MYRIP: variants seen among roughly 807,000 people sequenced by gnomAD.
MYRIP encodes myosin VIIA and Rab interacting protein.
Under a neutral mutation model 98.0 loss-of-function variants are expected in MYRIP, and 49 were observed. The observed-to-expected ratio is 0.50, with a 90% CI of 0.40 to 0.63. The LOEUF is 0.63. Ranked by LOEUF, MYRIP falls within the 30% of genes least tolerant of loss-of-function variation. The pLI is 0.00. For synonymous variants in MYRIP, 404 were observed against 409.5 expected (o/e 0.99, Z 0.16); for missense variants, 1,004 against 1,058.2 (o/e 0.95, Z 0.71).
chr3:39,917,726 C>T (rs1944197089), intron 2 of MYRIP, among the ~76,000 whole-genome samples: 1 of 87,100 alleles, frequency 1.1e-5, no homozygotes, highest in Admixed American at 1.1e-4. Context: ...AGATGATGCC[C>T]AAGACCCCAA....
chr3:39,917,627 G>A (rs547819127), intron 2 of MYRIP, among the ~76,000 whole-genome samples: 52 of 151,808 alleles, frequency 3.4e-4, no homozygotes, highest in African/African-American at 1.1e-3. Context: ...GACTAAGAGA[G>A]ATCAGAGACT....
chr3:40,118,543 T>A (rs1949328987), intron 3 of MYRIP, among the ~76,000 whole-genome samples: 1 of 151,762 alleles, frequency 6.6e-6, no homozygotes. Context: ...AACTTTTTTT[T>A]TTCCCTGGGT....
chr3:40,168,851 G>A (rs570731989), intron 7 of MYRIP, among the ~76,000 whole-genome samples: 4 of 152,202 alleles, frequency 2.6e-5, no homozygotes, highest in South Asian at 4.1e-4. Context: ...TCCCTATACT[G>A]GGAGGGTCTG....
chr3:40,080,661 T>G (rs991289233), intron 3 of MYRIP, among the ~76,000 whole-genome samples: 4 of 151,952 alleles, frequency 2.6e-5, no homozygotes, highest in African/African-American at 9.7e-5. Flanking sequence ...ATCTCTAGTA[T>G]CATACCTGTT....
intron 1 of MYRIP, among the ~76,000 whole-genome samples, chr3:39,853,767 C>T (rs1344802960): frequency 1.3e-5 from 2 of 151,638 alleles, no homozygotes; most frequent in African/African-American, 4.8e-5. Flanking sequence ...ACTTAGGATC[C>T]GTCTATTTAT....
At chr3:39,888,311 G>A (rs1021062196) in intron 1 of MYRIP, among the ~76,000 whole-genome samples, 11 of 151,810 alleles carry the variant, frequency 7.2e-5, no homozygotes, top group Non-Finnish European at 1.0e-4. Context: ...AAACAGCATG[G>A]TACTGGTACC....
intron 2 of MYRIP, among the ~76,000 whole-genome samples, chr3:39,966,438 G>T (rs952411762): frequency 1.3e-5 from 2 of 152,184 alleles, no homozygotes; most frequent in Non-Finnish European, 2.9e-5. Context: ...TAAAGGCACA[G>T]ATTATATATC....
intron 3 of MYRIP, among the ~76,000 whole-genome samples, chr3:40,107,183 C>A (rs1404156179): frequency 6.6e-6 from 1 of 152,190 alleles, no homozygotes; most frequent in Admixed American, 6.5e-5. Context: ...TTATTGAATA[C>A]CTGCTGGGGA....
intron 2 of MYRIP, among the ~76,000 whole-genome samples, chr3:39,970,896 C>G (rs1945564306): frequency 6.6e-6 from 1 of 151,984 alleles, no homozygotes. Flanking sequence ...TTAGTTGAAA[C>G]AGACACTTGT....
chr3:39,980,850 C>T (rs963128269), intron 2 of MYRIP, among the ~76,000 whole-genome samples: 1 of 152,032 alleles, frequency 6.6e-6, no homozygotes, highest in African/African-American at 2.4e-5. Context: ...ATCATAAAGA[C>T]AGAAAGTAGG....
intron 3 of MYRIP, among the ~76,000 whole-genome samples, chr3:40,077,197 G>T (rs1376592517): frequency 1.3e-5 from 2 of 152,172 alleles, no homozygotes; most frequent in African/African-American, 4.8e-5. Context: ...TCATAAAACA[G>T]CGTGGACCCA....
intron 11 of MYRIP, among the ~76,000 whole-genome samples, chr3:40,218,599 ATATATATATATTT>A (rs1385408336): frequency 0.12 from 161 of 1,384 alleles, 4 homozygotes; most frequent in East Asian, 0.46. Flanking sequence ...ACACACACAC[ATATATATATATTT>A]TATATATATA....
chr3:40,207,414 C>T (rs1951815830), intron 10 of MYRIP, among the ~76,000 whole-genome samples: 1 of 152,182 alleles, frequency 6.6e-6, no homozygotes, highest in African/African-American at 2.4e-5. Context: ...GCACAGGTTA[C>T]TTCACATGAG....
chr3:39,877,317 C>T (rs899381620), intron 1 of MYRIP, among the ~76,000 whole-genome samples: 5 of 152,070 alleles, frequency 3.3e-5, no homozygotes, highest in African/African-American at 4.8e-5. Flanking sequence ...GTAATTTGAT[C>T]GTCTGAAGCC....
intron 10 of MYRIP, among the ~76,000 whole-genome samples, chr3:40,198,967 A>G (rs1951477349): frequency 6.6e-6 from 1 of 152,210 alleles, no homozygotes; most frequent in African/African-American, 2.4e-5. Flanking sequence ...AGGGAAAACC[A>G]GAGTAGGAAA....
intron 3 of MYRIP, among the ~76,000 whole-genome samples, chr3:40,050,569 C>T (rs995954381): frequency 6.6e-6 from 1 of 152,104 alleles, no homozygotes. Flanking sequence ...GTTTTCATGC[C>T]TGCTAACATA....
chr3:40,109,178 C>T (rs1041050274), intron 3 of MYRIP, among the ~76,000 whole-genome samples: 12 of 152,118 alleles, frequency 7.9e-5, no homozygotes, highest in African/African-American at 2.9e-4. Context: ...CCCCATGTGG[C>T]CCTTTCTCTT....
At chr3:40,024,718 T>C (rs1947083902) in intron 2 of MYRIP, among the ~76,000 whole-genome samples, 1 of 152,146 alleles carries the variant, frequency 6.6e-6, no homozygotes, top group Admixed American at 6.5e-5. Flanking sequence ...ATACTTGTAA[T>C]GCTCTTAAGA....
chr3:40,175,700 C>T (rs1198186615), intron 8 of MYRIP, among the ~76,000 whole-genome samples: 1 of 152,258 alleles, frequency 6.6e-6, no homozygotes, highest in Non-Finnish European at 1.5e-5. Flanking sequence ...TGGCTGGGCA[C>T]ATTCATGTAG....
Sources: allele counts gnomAD v4.1 joint callset (sites outside exome capture counted in the v4.1 genomes callset), GRCh38; gene constraint gnomAD v4.1.1; transcripts MANE v1.5; gene names NCBI Gene and HGNC (gene_info 2026-07-23, HGNC 2026-07-21).